MAP2: variants seen among roughly 807,000 people sequenced by gnomAD.
MAP2 encodes microtubule-associated protein 2.
MAP2 carries 14 observed loss-of-function variants against 137.6 expected under a neutral mutation model. The ratio of observed to expected loss-of-function variants is 0.10; its 90% confidence interval spans 0.07 to 0.16. The LOEUF is 0.16. MAP2 is among the 10% of genes least tolerant of loss of function. MAP2 has a pLI of 1.00. For synonymous variants in MAP2, 786 were observed against 782.3 expected, an observed-to-expected ratio of 1.00 and a Z score of -0.08; for missense variants, 2,088 against 2,191.5, an observed-to-expected ratio of 0.95 and a Z score of 0.94.
intron 2 of MAP2, among the ~76,000 whole-genome samples, chr2:209,567,307 CTATATAG>C (rs1342586709): frequency 2.6e-5 from 4 of 152,124 alleles, no homozygotes; most frequent in South Asian, 2.1e-4. Flanking sequence ...AACCAAGGAC[CTATATAG>C]ATGAAAGTTT....
At chr2:209,710,972 A>G (rs534130552) in intron 13 of MAP2, among the ~76,000 whole-genome samples, 125 of 152,310 alleles carry the variant, frequency 8.2e-4, no homozygotes, top group Non-Finnish European at 1.5e-3. Context: ...CCTTGCTTAT[A>G]CACTACATGT....
intron 2 of MAP2, among the ~76,000 whole-genome samples, chr2:209,552,982 A>G (rs980392762): frequency 6.6e-6 from 1 of 152,136 alleles, no homozygotes; most frequent in Admixed American, 6.5e-5. Context: ...CTGTCACAAA[A>G]CAGAGTTAAA....
At chr2:209,688,800 A>C (rs1179245406) in intron 7 of MAP2, among the ~76,000 whole-genome samples, 2 of 152,224 alleles carry the variant, frequency 1.3e-5, no homozygotes, top group Non-Finnish European at 2.9e-5. Flanking sequence ...AAGGGACAAT[A>C]TTTAATATGA....
chr2:209,425,804 A>G (rs979241762), intron 1 of MAP2, among the ~76,000 whole-genome samples: 3 of 152,216 alleles, frequency 2.0e-5, no homozygotes, highest in Admixed American at 6.5e-5. Context: ...AATAGATTGA[A>G]TAAATAGAAG....
intron 1 of MAP2, among the ~76,000 whole-genome samples, chr2:209,442,146 T>A (rs1697949148): frequency 6.6e-6 from 1 of 151,622 alleles, no homozygotes. Flanking sequence ...TAACCAGGGC[T>A]ACATACATAG....
chr2:209,568,666 G>C (rs1431562599), intron 2 of MAP2, among the ~76,000 whole-genome samples: 1 of 151,896 alleles, frequency 6.6e-6, no homozygotes, highest in Non-Finnish European at 1.5e-5. Context: ...TAGATCTACT[G>C]TCATGAAATG....
intron 1 of MAP2, among the ~76,000 whole-genome samples, chr2:209,435,264 A>G (rs143017079): frequency 3.4e-3 from 495 of 144,102 alleles, no homozygotes; most frequent in Non-Finnish European, 5.8e-3. Context: ...TTACAACAAT[A>G]TTAATGGTAA....
chr2:209,467,732 T>A (rs1704507863), intron 1 of MAP2, among the ~76,000 whole-genome samples: 2 of 152,206 alleles, frequency 1.3e-5, no homozygotes, highest in East Asian at 3.8e-4. Context: ...AATAAGAGCA[T>A]GGACTCTGCA....
chr2:209,613,322 G>A (rs1448206678), intron 3 of MAP2, among the ~76,000 whole-genome samples: 1 of 151,640 alleles, frequency 6.6e-6, no homozygotes, highest in Non-Finnish European at 1.5e-5. Flanking sequence ...TCTTTTAGCT[G>A]AATGGCTCTC....
intron 1 of MAP2, among the ~76,000 whole-genome samples, chr2:209,477,233 C>G (rs1026467744): frequency 6.6e-6 from 1 of 151,850 alleles, no homozygotes; most frequent in Non-Finnish European, 1.5e-5. Flanking sequence ...AAAAAATTAA[C>G]GATGGAATTG....
chr2:209,678,369 G>C (rs2052940102), intron 5 of MAP2, among the ~76,000 whole-genome samples: 1 of 151,950 alleles, frequency 6.6e-6, no homozygotes, highest in Non-Finnish European at 1.5e-5. Context: ...TGCTTGCTTA[G>C]CTTAGCTCCT....
At chr2:209,661,795 C>A in intron 5 of MAP2, 6 of 495,686 alleles carry the variant, frequency 1.2e-5, no homozygotes, top group Non-Finnish European at 1.6e-5. Flanking sequence ...AGGATTTGAA[C>A]CTAATTTAGG....
At chr2:209,558,870 G>C (rs540971158) in intron 2 of MAP2, among the ~76,000 whole-genome samples, 1 of 151,846 alleles carries the variant, frequency 6.6e-6, no homozygotes, top group South Asian at 2.1e-4. Flanking sequence ...CTGATCATTA[G>C]GTTCAGAGTA....
At chr2:209,636,530 T>G (rs2093579378) in intron 4 of MAP2, among the ~76,000 whole-genome samples, 2 of 149,968 alleles carry the variant, frequency 1.3e-5, no homozygotes, top group Non-Finnish European at 2.9e-5. Context: ...GGATTGAAAA[T>G]TATAGTACAA....
At chr2:209,492,880 T>A (rs1476946318) in intron 1 of MAP2, among the ~76,000 whole-genome samples, 1 of 152,176 alleles carries the variant, frequency 6.6e-6, no homozygotes, top group Non-Finnish European at 1.5e-5. Context: ...AATTTATAGA[T>A]TCAATGCTAC....
intron 11 of MAP2, chr2:209,704,524 C>T (rs1178869195): frequency 1.2e-6 from 2 of 1,612,792 alleles, no homozygotes; most frequent in South Asian, 1.1e-5. Context: ...CCTGCCCTAG[C>T]ACGACTAAAA....
At chr2:209,532,631 T>A (rs2065299896) in intron 2 of MAP2, among the ~76,000 whole-genome samples, 1 of 152,164 alleles carries the variant, frequency 6.6e-6, no homozygotes, top group Admixed American at 6.5e-5. Flanking sequence ...GATTCCTAAA[T>A]GTGGAACTGG....
intron 2 of MAP2, among the ~76,000 whole-genome samples, chr2:209,527,774 T>C (rs1355431193): frequency 6.6e-6 from 1 of 152,166 alleles, no homozygotes. Context: ...ATGTAAATCT[T>C]TGGGCTCCAC....
At chr2:209,481,110 CTG>C (rs1708650007) in intron 1 of MAP2, among the ~76,000 whole-genome samples, 1 of 152,196 alleles carries the variant, frequency 6.6e-6, no homozygotes, top group Non-Finnish European at 1.5e-5. Flanking sequence ...GTGTTACAAA[CTG>C]AATTTCCGTG....
Sources: gnomAD v4.1 joint callset for allele counts (sites outside exome capture counted in the v4.1 genomes callset) on GRCh38, gnomAD v4.1.1 for gene constraint, MANE v1.5 for transcripts, NCBI Gene and HGNC (gene_info 2026-07-23, HGNC 2026-07-21) for gene names.